Variants in CCDC28B observed in about 807,000 individuals in gnomAD.
The protein encoded by CCDC28B is coiled-coil domain-containing protein 28B.
A neutral mutation model predicts 18.7 loss-of-function variants in CCDC28B; 17 were observed. The observed-to-expected ratio is 0.91, with a 90% CI of 0.62 to 1.36. CCDC28B has a LOEUF of 1.36. Ranked by LOEUF, CCDC28B falls within the 40% of genes most tolerant of loss-of-function variation. CCDC28B has a pLI of 0.00. For synonymous variants in CCDC28B, 116 were observed against 105.1 expected (o/e 1.10, Z -0.64); for missense variants, 213 against 251.7 (o/e 0.85, Z 1.04).
At chr1:32,204,510 A>G (rs983962246) in intron 4 of CCDC28B, 88 bp from the exon 5 acceptor site, 1 of 1,517,238 alleles carries the variant, frequency 6.6e-7, no homozygotes, top group African/African-American at 1.4e-5. Flanking sequence ...GGGCCCCTCA[A>G]CCTCCCCAGA....
chr1:32,197,168 A>G (rs1273734227), upstream of CCDC28B: 2 of 152,334 alleles, frequency 1.3e-5, no homozygotes, highest in Admixed American at 6.5e-5. This position sits in a 1 kb window ranked among gnomAD's most constrained non-coding sequence, Gnocchi z 4.6. Flanking sequence ...AGAGCTGCCA[A>G]CCTCACAGAG....
intron 2 of CCDC28B, 144 bp from the exon 3 acceptor site, chr1:32,203,735 T>TA: frequency 1.8e-6 from 1 of 570,380 alleles, no homozygotes; most frequent in Non-Finnish European, 2.8e-6. Context: ...ACCATAAAGT[T>TA]ACCCATTTAT....
At chr1:32,202,867 G>A (rs1027807579) in intron 2 of CCDC28B, 11 of 154,054 alleles carry the variant, frequency 7.1e-5, no homozygotes, top group Admixed American at 7.1e-4. Context: ...GGGCATGGTG[G>A]CTCAGCCTAT....
At chr1:32,199,818 C>T (rs1643110615), upstream of CCDC28B, among the ~76,000 whole-genome samples, 1 of 152,218 alleles carries the variant, frequency 6.6e-6, no homozygotes, top group Non-Finnish European at 1.5e-5. Flanking sequence ...AGCCTCTCTC[C>T]TGTTGTATCA....
rs756329256 is a variant in CCDC28B, at chr1:32,205,316, G to A, written c.*68G>A. On this transcript the variant is annotated 3_prime_UTR_variant, in exon 6 of 6. Transcript: ENST00000373602. This position sits in a 1 kb window ranked among gnomAD's most constrained non-coding sequence, Gnocchi z 5.6. Reference sequence around the variant, plus strand: ...ACTGTGACTTTTTACAGACTCGGGCGGGTGTTCTGCGGCCCCCCAGGTGCT... The same window carrying A: ...ACTGTGACTTTTTACAGACTCGGGCAGGTGTTCTGCGGCCCCCCAGGTGCT... The A allele has an allele frequency of 4.1e-5, 61 of 1,481,968 alleles. No individual in the cohort carries two copies. Among genetic ancestry groups the A allele is most frequent in the Non-Finnish European group, 4.6e-5 (51 of 1,098,930 alleles). 91.8% of individuals were successfully genotyped at this position (1,481,968 alleles called of 1,614,324 possible).
rs375471934 is a variant in CCDC28B, at chr1:32,204,720, C to A, written c.548+100C>A. The stretch of plus-strand genomic sequence containing the variant: ...AGTATTCACACACAACCAACTTCCC[C>A]ACCTCTTGCAGTCCTGTCAGATTTA... On this transcript the variant is annotated intron_variant, in intron 5 of 5. Coordinates refer to ENST00000373602, the MANE Select transcript of CCDC28B (RefSeq NM_024296.5). The A allele has an allele frequency of 1.1e-5, 17 of 1,614,064 alleles. No individual in the cohort carries two copies. In the African/African-American group the frequency reaches 1.9e-4, roughly 18 times the overall value.
chr1:32,199,115 G>A (rs1324135352), upstream of CCDC28B, among the ~76,000 whole-genome samples: 1 of 152,180 alleles, frequency 6.6e-6, no homozygotes, highest in Non-Finnish European at 1.5e-5. Context: ...TGGGAGACAT[G>A]CTGCTGGTGG....
upstream of CCDC28B, chr1:32,200,566 C>T (rs1434021529): frequency 6.6e-6 from 1 of 152,222 alleles, no homozygotes; most frequent in Admixed American, 6.5e-5. Context: ...CTCACCCCAC[C>T]GCGCTAAGGA....
intron 1 of CCDC28B, chr1:32,201,624 C>A (rs536986205): frequency 1.8e-4 from 44 of 250,036 alleles, no homozygotes; most frequent in Non-Finnish European, 3.2e-4. Context: ...CCCCAGCCAC[C>A]GTGACAGGAA....
upstream of CCDC28B, among the ~76,000 whole-genome samples, chr1:32,199,324 C>G (rs554693827): frequency 1.1e-4 from 16 of 152,274 alleles, no homozygotes; most frequent in Non-Finnish European, 2.2e-4. Flanking sequence ...ACATGTTTTC[C>G]ATGCTGGCCA....
chr1:32,204,289 T>G lies in CCDC28B; in HGVS notation c.435T>G (p.Asp145Glu). 6.2e-7 allele frequency: 1 copy of G among 1,613,314 alleles called. No individual in the cohort carries two copies. The highest frequency in any genetic ancestry group is 1.1e-5 in the South Asian group (1 of 91,006). The change falls in exon 4 of 6, where the codon GAT becomes GAG. Residue 145 changes from aspartate (D) to glutamate (E), a missense_variant. Physicochemically the swap from Asp to Glu is conservative, Grantham distance 45. Coordinates refer to ENST00000373602, the MANE Select transcript of CCDC28B (RefSeq NM_024296.5). Reference protein sequence around the residue: ...SLDVCGEEEDDEEEEDGVTEG... With the variant: ...SLDVCGEEEDEEEEEDGVTEG... ...ATGTGTGTGGGGAGGAGGAGGACGA[T>G]GAAGAGGAAGAGGATGGGGTCACTG...
At position 32,204,390 on chromosome 1, in the gene CCDC28B, G is replaced by A; in HGVS notation, c.525+11G>A. 1.3e-6 allele frequency: 2 copies of A among 1,557,152 alleles called. No homozygotes were observed. Among genetic ancestry groups the A allele is most frequent in the Non-Finnish European group, 1.7e-6 (2 of 1,151,932 alleles). On this transcript the variant is annotated intron_variant, in intron 4 of 5. Transcript: ENST00000373602. ...CAGCTGCTTAGCAATGTGGGTTCAT[G>A]TCTGGGTGCTTTGGTTCCTGGGGGC...
upstream of CCDC28B, chr1:32,196,579 G>A (rs1643030153): frequency 6.6e-6 from 1 of 151,670 alleles, no homozygotes; most frequent in African/African-American, 2.4e-5. Context: ...ACTGTGTAGA[G>A]CCATTCTATA....
At chr1:32,196,828 T>C (rs1351746091), upstream of CCDC28B, 4 of 152,242 alleles carry the variant, frequency 2.6e-5, no homozygotes, top group Non-Finnish European at 5.9e-5. Context: ...CAAAGAATGT[T>C]AAGTACTGAA....
rs560392992 is a variant in CCDC28B at position 32,204,286 on chromosome 1, C to T, written c.432C>T (p.Asp144=). The T allele has an allele frequency of 1.2e-5, 20 of 1,613,336 alleles. No homozygotes were observed. Among genetic ancestry groups the T allele is most frequent in the Middle Eastern group, 1.7e-4 (1 of 6,060 alleles). The change falls in exon 4 of 6, where the codon GAC becomes GAT. Residue 144 remains aspartate (D), a synonymous_variant. Transcript: ENST00000373602. The stretch of plus-strand genomic sequence containing the variant: ...TGGATGTGTGTGGGGAGGAGGAGGA[C>T]GATGAAGAGGAAGAGGATGGGGTCA... ...FSLDVCGEEE[D]DEEEEDGVTE... is the part of the protein sequence containing the mutation.
rs367652091 is a variant in CCDC28B at position 32,205,227 on chromosome 1, T to G, written c.582T>G (p.Pro194=). The G allele has an allele frequency of 1.2e-6, 2 of 1,613,798 alleles. No homozygotes were observed. Among genetic ancestry groups the G allele is most frequent in the East Asian group, 4.5e-5 (2 of 44,866 alleles). ...QKLHLAENAE[P]EEQSAA is the part of the protein sequence containing the mutation. ...TGCACCTGGCCGAGAACGCCGAGCC[T>G]GAGGAGCAGTCCGCTGCGTAGGCGT... Residue 194 remains proline (P), a synonymous_variant, in exon 6 of 6, where the codon CCT becomes CCG. Transcript: ENST00000373602. The surrounding 1 kb of genome is among the most constrained non-coding windows in gnomAD (Gnocchi z 5.6).
upstream of CCDC28B, among the ~76,000 whole-genome samples, chr1:32,198,951 A>G (rs547728199): frequency 3.9e-5 from 6 of 152,288 alleles, no homozygotes; most frequent in South Asian, 1.0e-3. Context: ...CATCACTGCT[A>G]TTTGGGTCTG....
At position 32,204,241 on chromosome 1, in the gene CCDC28B, A is replaced by G. The variant is rs751955636; in HGVS notation, c.387A>G (p.Leu129=). The G allele has an allele frequency of 6.2e-7, 1 of 1,614,086 alleles. No homozygotes were observed. Among genetic ancestry groups the G allele is most frequent in the Non-Finnish European group, 8.5e-7 (1 of 1,180,020 alleles). The change falls in exon 4 of 6, where the codon CTA becomes CTG. Residue 129 remains leucine, a synonymous_variant. Coordinates refer to ENST00000373602, the MANE Select transcript of CCDC28B (RefSeq NM_024296.5). The part of the protein sequence containing the change: ...LEHVREMQEK[L]ARLHFSLDVC... ...ACGTTCGGGAGATGCAGGAGAAGCTAGCCCGGCTGCACTTCAGCCTGGATG... is the reference window on the plus strand; with the variant it reads ...ACGTTCGGGAGATGCAGGAGAAGCTGGCCCGGCTGCACTTCAGCCTGGATG...
At chr1:32,203,573 G>T (rs1643208884) in intron 2 of CCDC28B, among the ~76,000 whole-genome samples, 1 of 152,188 alleles carries the variant, frequency 6.6e-6, no homozygotes, top group Non-Finnish European at 1.5e-5. Flanking sequence ...GAGGATAAGT[G>T]ACTCATTCAG....
Sources: gnomAD v4.1 joint callset for allele counts (sites outside exome capture counted in the v4.1 genomes callset) on GRCh38, gnomAD v4.1.1 for gene constraint, Gnocchi (gnomAD v3.1) non-coding constraint, MANE v1.5 for transcripts, NCBI Gene and HGNC (gene_info 2026-07-23, HGNC 2026-07-21) for gene names.